The following ZNF804B variants were observed in gnomAD, a reference collection of about 807,000 sequenced individuals.
The protein encoded by ZNF804B is zinc finger protein 804B.
A neutral mutation model predicts 101.4 loss-of-function variants in ZNF804B; 80 were observed. That is an observed-to-expected ratio of 0.79 (90% CI 0.66 to 0.95). The LOEUF is 0.95. Among genes scored for constraint, ZNF804B ranks in the 40% least tolerant of loss-of-function variants. The pLI, the probability that ZNF804B is intolerant of heterozygous loss-of-function variation, is 0.00. For synonymous variants in ZNF804B, 622 were observed against 558.8 expected (o/e 1.11, Z -1.59); for missense variants, 1,673 against 1,561.9 (o/e 1.07, Z -1.20).
intron 1 of ZNF804B, among the ~76,000 whole-genome samples, chr7:88,944,626 T>A (rs1268597769): frequency 1.3e-5 from 2 of 151,756 alleles, no homozygotes; most frequent in Non-Finnish European, 2.9e-5. Context: ...ACAAAAATAT[T>A]ATAACAACTA....
chr7:89,229,540 A>G (rs55700543), intron 2 of ZNF804B, among the ~76,000 whole-genome samples: 18,594 of 152,260 alleles, frequency 0.12, 1,224 homozygotes, highest in Middle Eastern at 0.25. Flanking sequence ...TATTCAACTC[A>G]CAACAGAGCA....
At chr7:89,113,293 C>T (rs7810045) in intron 1 of ZNF804B, among the ~76,000 whole-genome samples, 13,691 of 152,054 alleles carry the variant, frequency 0.09, 1,286 homozygotes, top group African/African-American at 0.24. Flanking sequence ...CATCGTACAA[C>T]GGGCCTCAAT....
chr7:88,962,187 C>T (rs1793395052), intron 1 of ZNF804B, among the ~76,000 whole-genome samples: 1 of 151,164 alleles, frequency 6.6e-6, no homozygotes, highest in African/African-American at 2.4e-5. Context: ...CACTCACTTC[C>T]TTAAGGACCA....
chr7:89,171,343 C>CTTCTTCTTCTTCTTCTTCTTCTTT (rs1791227572), intron 1 of ZNF804B, among the ~76,000 whole-genome samples: 1 of 132,376 alleles, frequency 7.6e-6, no homozygotes, highest in African/African-American at 2.8e-5. Flanking sequence ...TCTTCTTCTT[C>CTTCTTCTTCTTCTTCTTCTTCTTT]TTCTTCTTCT....
chr7:89,174,501 T>TG (rs1325219688), intron 1 of ZNF804B, among the ~76,000 whole-genome samples: 10 of 152,090 alleles, frequency 6.6e-5, no homozygotes, highest in Non-Finnish European at 7.4e-5. Context: ...TCTCTGTTGA[T>TG]GGACACACAA....
At chr7:88,796,346 G>A (rs183937892) in intron 1 of ZNF804B, among the ~76,000 whole-genome samples, 8 of 152,140 alleles carry the variant, frequency 5.3e-5, no homozygotes, top group Non-Finnish European at 7.4e-5. Flanking sequence ...AAGGCAGAGA[G>A]GTGACTTAAT....
intron 1 of ZNF804B, among the ~76,000 whole-genome samples, chr7:89,197,601 A>G (rs966600246): frequency 2.6e-4 from 39 of 152,062 alleles, no homozygotes; most frequent in African/African-American, 7.5e-4. Flanking sequence ...GAAAATAAAA[A>G]GAGAAGCACT....
intron 1 of ZNF804B, among the ~76,000 whole-genome samples, chr7:89,028,933 C>A (rs950826423): frequency 6.6e-6 from 1 of 151,944 alleles, no homozygotes; most frequent in Non-Finnish European, 1.5e-5. Context: ...ATTCTATGTC[C>A]ATCACTTATT....
chr7:88,917,428 A>G lies in ZNF804B; in HGVS notation c.108+157344A>G, dbSNP rs144059406. Among the ~76,000 whole-genome samples the G allele has an allele frequency of 2.4e-4, 36 of 152,320 alleles. No homozygotes were observed. In the East Asian group the frequency reaches 6.7e-3, roughly 29 times the overall value. ...AATGAAGAATATGGTGATTCTACAG[A>G]AAATACAGTTAAACATTTCTGTCAT... On this transcript the variant is annotated intron_variant, in intron 1 of 3. Transcript: ENST00000333190.
At chr7:89,095,307 A>T (rs1789956466) in intron 1 of ZNF804B, among the ~76,000 whole-genome samples, 1 of 152,184 alleles carries the variant, frequency 6.6e-6, no homozygotes, top group African/African-American at 2.4e-5. Flanking sequence ...CCCTTGCCAG[A>T]CACACAACCT....
At chr7:89,001,588 C>T (rs1007722414) in intron 1 of ZNF804B, among the ~76,000 whole-genome samples, 2 of 151,756 alleles carry the variant, frequency 1.3e-5, no homozygotes, top group African/African-American at 4.8e-5. Context: ...GATCTAAGCC[C>T]AAGGCTAAAC....
chr7:88,955,815 C>G (rs1250838273), intron 1 of ZNF804B, among the ~76,000 whole-genome samples: 1 of 151,632 alleles, frequency 6.6e-6, no homozygotes, highest in Non-Finnish European at 1.5e-5. Flanking sequence ...GAAAAGACAA[C>G]CTGCTGAATG....
intron 1 of ZNF804B, among the ~76,000 whole-genome samples, chr7:88,849,323 G>A (rs1791417778): frequency 6.6e-6 from 1 of 151,844 alleles, no homozygotes; most frequent in African/African-American, 2.4e-5. Flanking sequence ...TAGAAGGAAA[G>A]GGTCTTATCT....
At chr7:88,850,285 C>A (rs1403881747) in intron 1 of ZNF804B, among the ~76,000 whole-genome samples, 2 of 151,988 alleles carry the variant, frequency 1.3e-5, no homozygotes, top group African/African-American at 4.8e-5. Context: ...TAGAGCCTGG[C>A]TCTTTTTTGG....
chr7:88,879,444 A>G (rs910522498), intron 1 of ZNF804B, among the ~76,000 whole-genome samples: 1 of 152,216 alleles, frequency 6.6e-6, no homozygotes, highest in South Asian at 2.1e-4. Flanking sequence ...TGTCTATAAC[A>G]CTTATGGGAA....
chr7:89,212,571 G>T (rs903090633), intron 1 of ZNF804B, among the ~76,000 whole-genome samples: 5 of 152,120 alleles, frequency 3.3e-5, no homozygotes, highest in African/African-American at 1.2e-4. Context: ...AGGTAAGTAC[G>T]CAGTGAAAGG....
intron 2 of ZNF804B, among the ~76,000 whole-genome samples, chr7:89,256,379 T>A (rs1789632175): frequency 6.6e-6 from 1 of 151,928 alleles, no homozygotes; most frequent in Non-Finnish European, 1.5e-5. Flanking sequence ...AATAGCAAGG[T>A]GCTAAATATA....
intron 1 of ZNF804B, among the ~76,000 whole-genome samples, chr7:89,182,364 A>G (rs1020358870): frequency 5.9e-5 from 9 of 152,182 alleles, no homozygotes; most frequent in African/African-American, 1.7e-4. Context: ...ATATGTGACA[A>G]TAGAAAAATT....
intron 1 of ZNF804B, among the ~76,000 whole-genome samples, chr7:88,885,782 A>G (rs937834762): frequency 6.6e-6 from 1 of 151,706 alleles, no homozygotes; most frequent in Non-Finnish European, 1.5e-5. Context: ...AAGCCATCTT[A>G]TATGCGTCTG....
Sources: gnomAD v4.1 joint callset for allele counts (sites outside exome capture counted in the v4.1 genomes callset) on GRCh38, gnomAD v4.1.1 for gene constraint, MANE v1.5 for transcripts, NCBI Gene and HGNC (gene_info 2026-07-23, HGNC 2026-07-21) for gene names.